FER: variants seen among roughly 807,000 people sequenced by gnomAD.
FER encodes the protein tyrosine-protein kinase Fer.
Under a neutral mutation model 111.0 loss-of-function variants are expected in FER, and 63 were observed. The ratio of observed to expected loss-of-function variants is 0.57; its 90% CI spans 0.46 to 0.70. The LOEUF (loss-of-function observed/expected upper bound fraction) is 0.70. Among genes scored for constraint, FER ranks in the 30% least tolerant of loss-of-function variants. FER has a pLI of 0.00. For synonymous variants in FER, 327 were observed against 313.9 expected, an observed-to-expected ratio of 1.04 and a Z score of -0.44; for missense variants, 914 against 954.0, an observed-to-expected ratio of 0.96 and a Z score of 0.55.
intron 8 of FER, among the ~76,000 whole-genome samples, chr5:108,872,967 A>G (rs1385523163): frequency 6.6e-6 from 1 of 152,158 alleles, no homozygotes; most frequent in Non-Finnish European, 1.5e-5. Flanking sequence ...GTTATATCAT[A>G]TCACCTGTTG....
intron 17 of FER, among the ~76,000 whole-genome samples, chr5:109,161,470 G>A (rs777424917): frequency 1.8e-4 from 27 of 152,098 alleles, no homozygotes; most frequent in Non-Finnish European, 3.7e-4. Flanking sequence ...GTATCCATGT[G>A]TTCTCATCGT....
intron 13 of FER, among the ~76,000 whole-genome samples, chr5:109,002,697 G>C (rs1471607337): frequency 6.6e-6 from 1 of 152,056 alleles, no homozygotes; most frequent in African/African-American, 2.4e-5. Flanking sequence ...CCTACAAAAT[G>C]GGAGAAAATT....
At chr5:108,852,580 A>G (rs749926911) in intron 5 of FER, among the ~76,000 whole-genome samples, 2 of 152,158 alleles carry the variant, frequency 1.3e-5, no homozygotes, top group African/African-American at 2.4e-5. Flanking sequence ...TCAGTTTAAC[A>G]TATGGAAAAA....
At position 109,085,991 on chromosome 5, in the gene FER, A is replaced by G. The variant is rs184731819; in HGVS notation, c.1925-14405A>G. On this transcript the variant is annotated intron_variant, in intron 16 of 19. Coordinates refer to ENST00000281092, the MANE Select transcript of FER (RefSeq NM_005246.4). ...AATTTGTCAAATGACATTGTTTTATAATTTCCTTTTCTTATAATATCCTTG... is the reference window on the plus strand; with the variant it reads ...AATTTGTCAAATGACATTGTTTTATGATTTCCTTTTCTTATAATATCCTTG... Among the ~76,000 whole-genome samples, 629 of 151,956 alleles carry G rather than the reference A, an allele frequency of 4.1e-3. 1 individual carries two copies. The highest frequency in any genetic ancestry group is 6.8e-3 in the Middle Eastern group (2 of 294).
chr5:108,785,224 TG>T (rs1252509514), intron 2 of FER: 7 of 605,424 alleles, frequency 1.2e-5, no homozygotes, highest in African/African-American at 1.1e-4. Context: ...GATCCCTCTG[TG>T]CATCTGGAGG....
intron 16 of FER, among the ~76,000 whole-genome samples, chr5:109,084,528 G>A (rs190093439): frequency 1.8e-4 from 27 of 151,934 alleles, no homozygotes; most frequent in Admixed American, 1.7e-3. Flanking sequence ...TTAAAAAATA[G>A]CCAATTGTAT....
intron 13 of FER, among the ~76,000 whole-genome samples, chr5:108,993,528 GGAAAGAGA>G (rs2149755842): frequency 6.6e-6 from 1 of 151,576 alleles, no homozygotes; most frequent in South Asian, 2.1e-4. Context: ...GGGAGACTGT[GGAAAGAGA>G]GGGAGAGGGA....
At chr5:108,752,301 A>G (rs957568729) in intron 1 of FER, among the ~76,000 whole-genome samples, 4 of 152,048 alleles carry the variant, frequency 2.6e-5, no homozygotes, top group African/African-American at 9.7e-5. Context: ...AATTCAGAAA[A>G]CTATAGAGAA....
chr5:108,858,251 C>G (rs766666797), intron 5 of FER, among the ~76,000 whole-genome samples: 1 of 152,152 alleles, frequency 6.6e-6, no homozygotes, highest in African/African-American at 2.4e-5. Context: ...AGTGAGAAAC[C>G]TAGCTTCTGT....
chr5:108,914,761 G>A (rs537045524), intron 10 of FER, among the ~76,000 whole-genome samples: 85 of 152,314 alleles, frequency 5.6e-4, no homozygotes, highest in African/African-American at 1.8e-3. Context: ...GTGAGAAGTT[G>A]CTGATGATTA....
intron 2 of FER, among the ~76,000 whole-genome samples, chr5:108,780,036 T>C (rs1401673365): frequency 1.3e-5 from 2 of 152,212 alleles, no homozygotes; most frequent in East Asian, 3.8e-4. Flanking sequence ...CAAATGCTTA[T>C]GTGTTAGATC....
chr5:108,812,394 C>T (rs990804163), intron 3 of FER, among the ~76,000 whole-genome samples: 1 of 152,100 alleles, frequency 6.6e-6, no homozygotes, highest in Non-Finnish European at 1.5e-5. Flanking sequence ...TATAACCACG[C>T]TGGGTTTCAT....
intron 10 of FER, among the ~76,000 whole-genome samples, chr5:108,932,379 C>T (rs973034888): frequency 2.0e-5 from 3 of 152,202 alleles, no homozygotes. Flanking sequence ...GCATAGTATT[C>T]CATGGTGTGC....
intron 16 of FER, among the ~76,000 whole-genome samples, chr5:109,060,720 T>C (rs74592991): frequency 0.057 from 8,706 of 151,630 alleles, 348 homozygotes; most frequent in South Asian, 0.11. Context: ...ATAAGATTGT[T>C]ATTAAATGTA....
chr5:108,861,187 A>G (rs1763482066), intron 5 of FER, among the ~76,000 whole-genome samples: 1 of 152,174 alleles, frequency 6.6e-6, no homozygotes, highest in African/African-American at 2.4e-5. Flanking sequence ...TAGGCACTTT[A>G]TTTTTAGAAA....
chr5:109,056,779 C>G (rs1371022039), intron 16 of FER, among the ~76,000 whole-genome samples: 1 of 152,110 alleles, frequency 6.6e-6, no homozygotes, highest in Non-Finnish European at 1.5e-5. Context: ...ATTTGCTTCA[C>G]TATAATATTC....
At chr5:108,790,545 C>T (rs112742413) in intron 2 of FER, among the ~76,000 whole-genome samples, 102 of 152,276 alleles carry the variant, frequency 6.7e-4, no homozygotes, top group African/African-American at 2.0e-3. Context: ...CAAATAAATT[C>T]TACCATCATT....
intron 10 of FER, among the ~76,000 whole-genome samples, chr5:108,931,356 T>C (rs72793921): frequency 0.28 from 42,308 of 151,988 alleles, 6,452 homozygotes; most frequent in African/African-American, 0.41. Context: ...TAAAAAAAAT[T>C]TGGTGTCTCA....
chr5:108,803,923 T>C (rs998269444), intron 3 of FER, among the ~76,000 whole-genome samples: 2 of 152,120 alleles, frequency 1.3e-5, no homozygotes, highest in Non-Finnish European at 2.9e-5. Context: ...TGCTTTGGGC[T>C]GTATGGGCAT....
Sources: allele counts gnomAD v4.1 joint callset (sites outside exome capture counted in the v4.1 genomes callset), GRCh38; gene constraint gnomAD v4.1.1; transcripts MANE v1.5; gene names NCBI Gene and HGNC (gene_info 2026-07-23, HGNC 2026-07-21).